PIGU: variants seen among roughly 807,000 people sequenced by gnomAD.
The protein encoded by PIGU is GPI-anchor transamidase component PIGU.
PIGU carries 24 observed loss-of-function variants against 49.9 expected under a neutral mutation model. The observed-to-expected ratio is 0.48, with a 90% confidence interval of 0.35 to 0.68. PIGU has a LOEUF of 0.68. Among genes scored for constraint, PIGU ranks in the 30% least tolerant of loss-of-function variants. PIGU has a pLI of 0.01. For missense variants in PIGU, 490 were observed against 532.6 expected (o/e 0.92, Z 0.79); for synonymous variants, 220 against 205.7 (o/e 1.07, Z -0.59).
intron 7 of PIGU, among the ~76,000 whole-genome samples, chr20:34,600,231 AC>A (rs1984364023): frequency 6.6e-6 from 1 of 152,062 alleles, no homozygotes; most frequent in African/African-American, 2.4e-5. Context: ...ACATGGCGAA[AC>A]CCTGTCTCTA....
At chr20:34,628,549 C>A (rs1252791281) in intron 6 of PIGU, among the ~76,000 whole-genome samples, 1 of 151,974 alleles carries the variant, frequency 6.6e-6, no homozygotes, top group Non-Finnish European at 1.5e-5. Flanking sequence ...AATATGCAGC[C>A]ATTAAAAATG....
intron 4 of PIGU, among the ~76,000 whole-genome samples, chr20:34,639,180 T>C (rs553685322): frequency 6.6e-6 from 1 of 152,060 alleles, no homozygotes; most frequent in Non-Finnish European, 1.5e-5. Context: ...GGCAGGCAGA[T>C]CACAAGGTCA....
At chr20:34,591,532 T>A (rs193060292) in intron 7 of PIGU, among the ~76,000 whole-genome samples, 30 of 152,304 alleles carry the variant, frequency 2.0e-4, no homozygotes, top group Middle Eastern at 3.4e-3. Flanking sequence ...TAAACCCACA[T>A]TGACTTCAAG....
chr20:34,659,910 A>G (rs1251836101), intron 1 of PIGU, among the ~76,000 whole-genome samples: 2 of 151,966 alleles, frequency 1.3e-5, no homozygotes, highest in African/African-American at 4.8e-5. Flanking sequence ...GGACACAAAC[A>G]CTGCGGAAGG....
rs1985901629 is a variant in PIGU at position 34,634,673 on chromosome 20, C to T, written c.471G>A (p.Lys157=). 1 of 1,613,038 alleles carries T rather than the reference C, an allele frequency of 6.2e-7. No individual in the cohort carries two copies. Among genetic ancestry groups the T allele is most frequent in the African/African-American group, 1.3e-5 (1 of 74,890 alleles). ...NPYTILSCVA[K]STCAINNTLI... ...GGGTGTTGTTGATGGCACAGGTAGA[C>T]TTGGCAACACAAGACAAAATCGTGT... Residue 157 remains lysine, a synonymous_variant, in exon 6 of 12, where the codon AAG becomes AAA. Transcript: ENST00000217446.
At chr20:34,595,095 C>CAAAA (rs71194627) in intron 7 of PIGU, among the ~76,000 whole-genome samples, 1,001 of 70,798 alleles carry the variant, frequency 0.014, 1 homozygote, top group Middle Eastern at 0.015. Flanking sequence ...GACTCCGTCT[C>CAAAA]AAAAAAAAAA....
intron 5 of PIGU, among the ~76,000 whole-genome samples, chr20:34,637,029 A>T (rs1985990394): frequency 6.6e-6 from 1 of 152,220 alleles, no homozygotes; most frequent in Non-Finnish European, 1.5e-5. Context: ...ATAGATTAGA[A>T]CTGATAGTCC....
chr20:34,638,656 G>A (rs1023154810), intron 4 of PIGU, among the ~76,000 whole-genome samples: 1 of 152,184 alleles, frequency 6.6e-6, no homozygotes, highest in Non-Finnish European at 1.5e-5. Context: ...ACAGGATCTT[G>A]GGTTATGTTT....
chr20:34,630,087 G>A (rs1985647957), intron 6 of PIGU, among the ~76,000 whole-genome samples: 1 of 151,902 alleles, frequency 6.6e-6, no homozygotes, highest in Non-Finnish European at 1.5e-5. Flanking sequence ...GGGAGGTGGG[G>A]GTATGGCATA....
At chr20:34,651,761 A>C (rs957131822) in intron 2 of PIGU, among the ~76,000 whole-genome samples, 15 of 152,238 alleles carry the variant, frequency 9.9e-5, no homozygotes, top group African/African-American at 3.4e-4. Context: ...AGTGAGAACA[A>C]GTTAGCATGG....
At chr20:34,593,997 A>T (rs1018406734) in intron 7 of PIGU, among the ~76,000 whole-genome samples, 2 of 152,028 alleles carry the variant, frequency 1.3e-5, no homozygotes, top group East Asian at 3.9e-4. Context: ...GGCAACATAG[A>T]GAAACCCTAT....
intron 4 of PIGU, among the ~76,000 whole-genome samples, chr20:34,640,292 G>A (rs530260669): frequency 3.3e-5 from 5 of 152,330 alleles, no homozygotes; most frequent in African/African-American, 1.2e-4. Flanking sequence ...AAGGCACACA[G>A]ATCAGCAATC....
intron 2 of PIGU, among the ~76,000 whole-genome samples, chr20:34,646,156 C>T (rs985391434): frequency 6.6e-6 from 1 of 152,148 alleles, no homozygotes; most frequent in South Asian, 2.1e-4. Flanking sequence ...AATTCACTCA[C>T]TGTGAAGCCA....
intron 6 of PIGU, among the ~76,000 whole-genome samples, chr20:34,619,410 T>C (rs997731777): frequency 2.0e-5 from 3 of 152,164 alleles, no homozygotes; most frequent in Admixed American, 6.5e-5. Context: ...TTTGATTGGG[T>C]CAAAAATCTG....
At chr20:34,567,029 A>C (rs990945471) in intron 11 of PIGU, among the ~76,000 whole-genome samples, 1 of 152,248 alleles carries the variant, frequency 6.6e-6, no homozygotes, top group Admixed American at 6.5e-5. Context: ...CTAGAGAAGC[A>C]GGTGCTATCA....
rs995527937 is a variant in PIGU, at chr20:34,580,216, G to C, written c.1051+1332C>G. 2.0e-4 allele frequency among the ~76,000 whole-genome samples: 31 copies of C among 152,200 alleles called. 1 individual carries two copies. The highest frequency in any genetic ancestry group is 1.5e-5 in the Non-Finnish European group (1 of 68,040). ...CAAACTGAGGCATGTCCATGTTTTG[G>C]TGGTCTCATGGTTTGTCACTGGCCA... is the stretch of plus-strand genomic sequence containing the variant. On this transcript the variant is annotated intron_variant, in intron 10 of 11. Coordinates refer to ENST00000217446, the MANE Select transcript of PIGU (RefSeq NM_080476.5).
chr20:34,571,124 G>T (rs1982996213), intron 11 of PIGU, among the ~76,000 whole-genome samples: 1 of 152,140 alleles, frequency 6.6e-6, no homozygotes, highest in Non-Finnish European at 1.5e-5. Flanking sequence ...TGAGGAAGTG[G>T]GGGAGGCCCT....
At chr20:34,561,013 G>A in intron 11 of PIGU, 34 bp from the exon 12 acceptor site, 1 of 1,466,474 alleles carries the variant, frequency 6.8e-7, no homozygotes, top group South Asian at 1.2e-5. Flanking sequence ...GGCGCTGCTG[G>A]GTACCTCCCC....
At chr20:34,582,656 T>A (rs1358561450) in intron 9 of PIGU, among the ~76,000 whole-genome samples, 1 of 151,620 alleles carries the variant, frequency 6.6e-6, no homozygotes, top group South Asian at 2.1e-4. Context: ...CCAGCCTGGA[T>A]GACACAGTGT....
Sources: allele counts gnomAD v4.1 joint callset (sites outside exome capture counted in the v4.1 genomes callset), GRCh38; gene constraint gnomAD v4.1.1; transcripts MANE v1.5; gene names NCBI Gene and HGNC (gene_info 2026-07-23, HGNC 2026-07-21).